Variants in MKRN1 observed in about 807,000 individuals in gnomAD.
The protein encoded by MKRN1 is E3 ubiquitin-protein ligase makorin-1.
MKRN1 carries 9 observed loss-of-function variants against 55.5 expected under a neutral mutation model. That is an observed-to-expected ratio of 0.16 (90% CI 0.10 to 0.28). MKRN1 has a LOEUF of 0.28. Among genes scored for constraint, MKRN1 ranks in the 10% least tolerant of loss-of-function variants. The pLI, the probability that MKRN1 is intolerant of heterozygous loss-of-function variation, is 1.00. For synonymous variants in MKRN1, 253 were observed against 235.9 expected (o/e 1.07, Z -0.66); for missense variants, 488 against 626.7 (o/e 0.78, Z 2.36).
rs749407952 is a variant in MKRN1 at position 140,459,810 on chromosome 7, G to T, written c.441C>A (p.Gly147=). ...AGTTTGAATTTCTTGACTCAGCTTC[G>T]CCTGTATTCATTTCAACAAGTGGTC... ...IVGPLVEMNT[G]EAESRNSNFA... The change falls in exon 3 of 8, where the codon GGC becomes GGA. Residue 147 remains glycine (G), a synonymous_variant. Transcript: ENST00000255977. 2.5e-6 allele frequency: 4 copies of T among 1,613,786 alleles called. No homozygotes were observed. Among genetic ancestry groups the T allele is most frequent in the Non-Finnish European group, 3.4e-6 (4 of 1,179,878 alleles).
At chr7:140,459,657 G>C (rs747436440) in intron 3 of MKRN1, 50 bp downstream of exon 3, 3 of 1,540,414 alleles carry the variant, frequency 1.9e-6, no homozygotes, top group South Asian at 2.2e-5. Flanking sequence ...GCAAATGGAT[G>C]AACTGCTATC....
intron 2 of MKRN1, chr7:140,460,142 G>C (rs58076938): frequency 0.18 from 98,933 of 558,796 alleles, 15,288 homozygotes; most frequent in African/African-American, 0.63. Context: ...AACTACTCGG[G>C]AGGCTGAGGT....
At chr7:140,476,338 T>C (rs1795115243) in intron 1 of MKRN1, among the ~76,000 whole-genome samples, 1 of 151,924 alleles carries the variant, frequency 6.6e-6, no homozygotes, top group Non-Finnish European at 1.5e-5. Context: ...AAAATATACA[T>C]GTGGCCGGGC....
chr7:140,472,668 G>A (rs1253710606), intron 1 of MKRN1, among the ~76,000 whole-genome samples: 2 of 151,404 alleles, frequency 1.3e-5, no homozygotes, highest in Non-Finnish European at 2.9e-5. Context: ...GATTACAAGC[G>A]TGAGCCACTG....
In MKRN1 at chr7:140,471,963, C is replaced by G; in HGVS notation, c.234G>C (p.Ser78=). 1 of 1,614,098 alleles carries G rather than the reference C, an allele frequency of 6.2e-7. No homozygotes were observed. The highest frequency in any genetic ancestry group is 8.5e-7 in the Non-Finnish European group (1 of 1,180,028). ...TATACGGACTGTCAGAGAGGTCATG[C>G]GAGTAGCGACAGTTGTCTCCTTCCT... ...VCKEGDNCRY[S]HDLSDSPYSV... The change falls in exon 2 of 8, where the codon TCG becomes TCC. Residue 78 remains serine, a synonymous_variant. Coordinates refer to ENST00000255977, the MANE Select transcript of MKRN1 (RefSeq NM_013446.4).
rs925169856 is a variant in MKRN1 at position 140,454,452 on chromosome 7, ACAC to A, written c.*62_*64del. ...CCTAGGAGAGAACACAGGCACTGCC[ACAC>A]CACCACAGGGGACAGCTGCTGTCTG... is the stretch of plus-strand genomic sequence containing the variant. On this transcript the variant is annotated 3_prime_UTR_variant, in exon 8 of 8. Transcript: ENST00000255977. 2.9e-5 allele frequency: 44 copies of A among 1,495,224 alleles called. No homozygotes were observed. In the African/African-American group the frequency reaches 5.9e-4, roughly 20 times the overall value. 92.6% of individuals were successfully genotyped at this position (1,495,224 alleles called of 1,614,324 possible).
intron 1 of MKRN1, chr7:140,475,433 G>A (rs1006958978): frequency 4.4e-5 from 12 of 273,434 alleles, no homozygotes; most frequent in South Asian, 3.3e-4. Context: ...GCCGAGGCGG[G>A]TGAAACACTT....
chr7:140,456,250 G>T, intron 5 of MKRN1: 1 of 1,142,916 alleles, frequency 8.7e-7, no homozygotes, highest in Non-Finnish European at 1.1e-6. Context: ...TGTGGTTTTT[G>T]TTCAGTTATG....
rs961076035 is a variant in MKRN1 at position 140,479,059 on chromosome 7, G to A, written c.185+101C>T. The A allele has an allele frequency of 5.7e-5, 69 of 1,214,508 alleles. 1 individual carries two copies. The highest frequency in any genetic ancestry group is 3.2e-4 in the Middle Eastern group (1 of 3,122). The allele number at this position is 1,214,508 out of a possible 1,614,324, so 75.2% of individuals were successfully genotyped here. A position where few individuals can be genotyped will look rare whatever the true frequency, so the allele number is the denominator to read the frequency against. ...AGACAACGCCGGTCCCCGCCCTCCC[G>A]CGCCTCTAGCCGCAGGCCGGCCGCC... On this transcript the variant is annotated intron_variant, in intron 1 of 7. Coordinates refer to ENST00000255977, the MANE Select transcript of MKRN1 (RefSeq NM_013446.4).
rs1280469005 is a variant in MKRN1, at chr7:140,459,745, G to C, written c.506C>G (p.Ala169Gly). 1 of 1,613,912 alleles carries C rather than the reference G, an allele frequency of 6.2e-7. No homozygotes were observed. The highest frequency in any genetic ancestry group is 1.7e-5 in the Admixed American group (1 of 59,992). The change falls in exon 3 of 8, where the codon GCT becomes GGT. Residue 169 changes from alanine (A) to glycine (G), a missense_variant. Ala to Gly is a moderately conservative substitution (Grantham distance 60, BLOSUM62 0). Coordinates refer to ENST00000255977, the MANE Select transcript of MKRN1 (RefSeq NM_013446.4). ...GGGTTGCCCAGGAACAAACTCAATAGCATTCACCCAGTCCTCTGAACCTGC... is the reference window on the plus strand; with the variant it reads ...GGGTTGCCCAGGAACAAACTCAATACCATTCACCCAGTCCTCTGAACCTGC... ...VGAGSEDWVN[A>G]IEFVPGQPYC... is the part of the protein sequence containing the mutation.
intron 2 of MKRN1, among the ~76,000 whole-genome samples, chr7:140,464,726 CA>C (rs1350696481): frequency 2.0e-5 from 3 of 150,442 alleles, no homozygotes; most frequent in African/African-American, 4.9e-5. Flanking sequence ...ACAAACAAAA[CA>C]AAACTCCCTG....
intron 2 of MKRN1, among the ~76,000 whole-genome samples, chr7:140,466,472 C>T (rs1263267652): frequency 6.6e-6 from 1 of 152,128 alleles, no homozygotes; most frequent in African/African-American, 2.4e-5. Context: ...TGAGACCAAC[C>T]TCGGTGAGAT....
At position 140,471,937 on chromosome 7, in the gene MKRN1, C is replaced by G. The variant is rs756041794; in HGVS notation, c.260G>C (p.Ser87Thr). ...TCGCTGAAAATACTTGCACACTACA[C>G]TATACGGACTGTCAGAGAGGTCATG... is the stretch of plus-strand genomic sequence containing the variant. ...YSHDLSDSPYSVVCKYFQRGY... is the reference protein window; with the variant it reads ...YSHDLSDSPYTVVCKYFQRGY... The change falls in exon 2 of 8, where the codon AGT becomes ACT. Residue 87 changes from serine (S) to threonine (T), a missense_variant. Ser to Thr is a moderately conservative substitution (Grantham distance 58). Around this residue, in one of 2 missense-constraint regions of MKRN1, gnomAD observed 210 missense variants for 220.0 expected, o/e 0.95. Transcript: ENST00000255977. The G allele has an allele frequency of 1.2e-6, 2 of 1,614,152 alleles. No homozygotes were observed. Among genetic ancestry groups the G allele is most frequent in the South Asian group, 2.2e-5 (2 of 91,086 alleles).
intron 1 of MKRN1, among the ~76,000 whole-genome samples, chr7:140,475,952 A>T (rs1795104194): frequency 6.6e-6 from 1 of 152,206 alleles, no homozygotes; most frequent in Admixed American, 6.5e-5. Context: ...TGGTGGCAGC[A>T]TAACACAGTT....
chr7:140,473,007 C>T (rs1306306747), intron 1 of MKRN1, among the ~76,000 whole-genome samples: 1 of 151,428 alleles, frequency 6.6e-6, no homozygotes, highest in Non-Finnish European at 1.5e-5. Flanking sequence ...ATCCCAACTA[C>T]TCGGGAGGCT....
chr7:140,455,360 G>T (rs1432695496), intron 6 of MKRN1, 127 bp from the exon 7 acceptor site: 7 of 1,186,656 alleles, frequency 5.9e-6, no homozygotes, highest in Non-Finnish European at 8.3e-6. Flanking sequence ...TCCCCAAGAT[G>T]TGTTCTTATA....
In MKRN1 at chr7:140,458,121, C is replaced by T. The variant is rs560370753; in HGVS notation, c.771+886G>A. On this transcript the variant is annotated intron_variant, in intron 4 of 7. Transcript: ENST00000255977. ...ACTGTGGAAAAGTATGGCAGTTCAT[C>T]AAAACGTAAAGCAGAGTTCCTATGT... Among the ~76,000 whole-genome samples, 201 of 152,290 alleles carry T rather than the reference C, an allele frequency of 1.3e-3. 1 individual carries two copies. Among genetic ancestry groups the T allele is most frequent in the African/African-American group, 4.5e-3 (189 of 41,564 alleles).
intron 1 of MKRN1, among the ~76,000 whole-genome samples, chr7:140,476,109 T>A (rs1795108705): frequency 6.6e-6 from 1 of 152,192 alleles, no homozygotes; most frequent in Admixed American, 6.6e-5. Context: ...GTCAAATTCC[T>A]AGATACAGGA....
intron 1 of MKRN1, among the ~76,000 whole-genome samples, chr7:140,474,077 G>A (rs1795043073): frequency 6.7e-6 from 1 of 149,776 alleles, no homozygotes; most frequent in Non-Finnish European, 1.5e-5. Context: ...ATAAAAGACT[G>A]TAGGGTGGGC....
Sources: allele counts gnomAD v4.1 joint callset (sites outside exome capture counted in the v4.1 genomes callset), GRCh38; gene constraint gnomAD v4.1.1; regional missense constraint gnomAD v4.1.1; transcripts MANE v1.5; gene names NCBI Gene and HGNC (gene_info 2026-07-23, HGNC 2026-07-21).